Variants in KIRREL3 observed in about 807,000 individuals in gnomAD.
KIRREL3 encodes the protein kin of IRRE-like protein 3.
Under a neutral mutation model 89.7 loss-of-function variants are expected in KIRREL3, and 36 were observed. The observed-to-expected ratio is 0.40, with a 90% CI of 0.31 to 0.53. KIRREL3 has a LOEUF of 0.53. Among genes scored for constraint, KIRREL3 ranks in the 20% least tolerant of loss-of-function variants. KIRREL3 has a pLI of 0.49. For missense variants in KIRREL3, 864 were observed against 1,056.6 expected, an observed-to-expected ratio of 0.82 and a Z score of 2.53; for synonymous variants, 445 against 441.4, an observed-to-expected ratio of 1.01 and a Z score of -0.10.
intron 1 of KIRREL3, among the ~76,000 whole-genome samples, chr11:126,809,189 C>T (rs1951302133): frequency 6.6e-6 from 1 of 152,146 alleles, no homozygotes; most frequent in African/African-American, 2.4e-5. Context: ...AGAGGAGGGT[C>T]ACCCAGTCAT....
chr11:126,825,886 T>G (rs10750346), intron 1 of KIRREL3, among the ~76,000 whole-genome samples: 1 of 151,912 alleles, frequency 6.6e-6, no homozygotes, highest in Non-Finnish European at 1.5e-5. Flanking sequence ...TTAATCAGGT[T>G]GTCCTTTTCT....
At chr11:126,599,006 G>C (rs753776924) in intron 1 of KIRREL3, among the ~76,000 whole-genome samples, 1 of 152,170 alleles carries the variant, frequency 6.6e-6, no homozygotes, top group Admixed American at 6.5e-5. Context: ...CCTGCCTTCC[G>C]ACTTCAATGG....
At position 126,454,997 on chromosome 11, in the gene KIRREL3, C is replaced by T. The variant is rs1206027283; in HGVS notation, c.848+1352G>A. Among the ~76,000 whole-genome samples the T allele has an allele frequency of 6.6e-6, 1 of 152,244 alleles. No individual in the cohort carries two copies. The highest frequency in any genetic ancestry group is 1.5e-5 in the Non-Finnish European group (1 of 68,042). On this transcript the variant is annotated intron_variant, in intron 7 of 16. Transcript: ENST00000525144. This position sits in a 1 kb window ranked among gnomAD's most constrained non-coding sequence, Gnocchi z 5.8. ...CCTCATGTCCAACCTGAATCCCTGG[C>T]TGTCCCTGTGGCCCATTTCCTTCCA...
intron 1 of KIRREL3, among the ~76,000 whole-genome samples, chr11:126,626,653 G>A (rs901080814): frequency 3.3e-5 from 5 of 152,200 alleles, no homozygotes; most frequent in African/African-American, 1.2e-4. Context: ...CCCTGGTACT[G>A]CTCCACCGGT....
At chr11:126,852,049 C>CTTT (rs10579989) in intron 1 of KIRREL3, among the ~76,000 whole-genome samples, 51 of 103,590 alleles carry the variant, frequency 4.9e-4, no homozygotes, top group Non-Finnish European at 8.1e-4. Flanking sequence ...GGGCTATAAC[C>CTTT]TTTTTTTTTT....
chr11:126,629,559 G>A (rs549404676), intron 1 of KIRREL3, among the ~76,000 whole-genome samples: 2 of 152,290 alleles, frequency 1.3e-5, no homozygotes, highest in Admixed American at 1.3e-4. Flanking sequence ...TGCCTTCCAC[G>A]TGCTCCTCCA....
In KIRREL3 at chr11:126,918,133, T is replaced by C. The variant is rs982072470; in HGVS notation, c.55+82322A>G. ...AGACAGAGACTCACGGTATGGCAGT[T>C]GAAGGACACACGACTTGAGGGAGAT... is the stretch of plus-strand genomic sequence containing the variant. On this transcript the variant is annotated intron_variant, in intron 1 of 16. Transcript: ENST00000525144. The surrounding 1 kb of genome is among the most constrained non-coding windows in gnomAD (Gnocchi z 6.5). Among the ~76,000 whole-genome samples the C allele has an allele frequency of 2.0e-5, 3 of 152,128 alleles. No homozygotes were observed. Among genetic ancestry groups the C allele is most frequent in the African/African-American group, 7.2e-5 (3 of 41,410 alleles).
rs573564016 is a variant in KIRREL3 at position 126,710,920 on chromosome 11, G to A, written c.56-148008C>T. The stretch of plus-strand genomic sequence containing the variant: ...CTTGACAGTAGTCTCAACCTGATAG[G>A]CCTCTTCACAATGTGCAGGCTGTGA... On this transcript the variant is annotated intron_variant, in intron 1 of 16. Transcript: ENST00000525144. The surrounding 1 kb of genome is among the most constrained non-coding windows in gnomAD (Gnocchi z 4.2). Among the ~76,000 whole-genome samples the A allele has an allele frequency of 6.6e-6, 1 of 152,110 alleles. No homozygotes were observed. Among genetic ancestry groups the A allele is most frequent in the Non-Finnish European group, 1.5e-5 (1 of 68,022 alleles).
At position 126,490,682 on chromosome 11, in the gene KIRREL3, G is replaced by A. The variant is rs1157051011; in HGVS notation, c.434-17216C>T. 6.6e-6 allele frequency among the ~76,000 whole-genome samples: 1 copy of A among 152,174 alleles called. No individual in the cohort carries two copies. Among genetic ancestry groups the A allele is most frequent in the Non-Finnish European group, 1.5e-5 (1 of 68,040 alleles). ...TGTGAAGGTTAGGAGAAGTTCCATG[G>A]GATGGCATTTGTGACGTCCCCAGAA... On this transcript the variant is annotated intron_variant, in intron 4 of 16. Coordinates refer to ENST00000525144, the MANE Select transcript of KIRREL3 (RefSeq NM_032531.4). This position sits in a 1 kb window ranked among gnomAD's most constrained non-coding sequence, Gnocchi z 4.2.
In KIRREL3 at chr11:126,694,349, G is replaced by A. The variant is rs914508688; in HGVS notation, c.56-131437C>T. On this transcript the variant is annotated intron_variant, in intron 1 of 16. Coordinates refer to ENST00000525144, the MANE Select transcript of KIRREL3 (RefSeq NM_032531.4). The surrounding 1 kb of genome is among the most constrained non-coding windows in gnomAD (Gnocchi z 4.4). ...TTGCACTTTTCCATTGTATCCTAGT[G>A]AGCGTGCACCGGAGTTGTGTCTCCC... 6.6e-6 allele frequency among the ~76,000 whole-genome samples: 1 copy of A among 152,188 alleles called. No individual in the cohort carries two copies. Among genetic ancestry groups the A allele is most frequent in the African/African-American group, 2.4e-5 (1 of 41,450 alleles).
At chr11:126,548,484 C>T (rs893328023) in intron 2 of KIRREL3, among the ~76,000 whole-genome samples, 1 of 152,232 alleles carries the variant, frequency 6.6e-6, no homozygotes, top group African/African-American at 2.4e-5. Flanking sequence ...CTTGGGTGCC[C>T]TAGCTGTGAG....
chr11:126,745,463 C>G (rs1019656985), intron 1 of KIRREL3, among the ~76,000 whole-genome samples: 1 of 137,376 alleles, frequency 7.3e-6, no homozygotes, highest in Admixed American at 7.5e-5. Flanking sequence ...AGATGGAAAA[C>G]AAACAAACAA....
rs1000874498 is a variant in KIRREL3 at position 126,754,929 on chromosome 11, T to A, written c.56-192017A>T. ...GGAATAATTTATTTCTTCTTCCTGG[T>A]GAGCAAATACACAGCAAGAGAGGCG... On this transcript the variant is annotated intron_variant, in intron 1 of 16. Transcript: ENST00000525144. The surrounding 1 kb of genome is among the most constrained non-coding windows in gnomAD (Gnocchi z 5.1). 1.2e-4 allele frequency among the ~76,000 whole-genome samples: 19 copies of A among 152,346 alleles called. No individual in the cohort carries two copies. Among genetic ancestry groups the A allele is most frequent in the African/African-American group, 4.3e-4 (18 of 41,584 alleles).
chr11:126,922,977 C>G (rs537138519), intron 1 of KIRREL3, among the ~76,000 whole-genome samples: 2 of 152,208 alleles, frequency 1.3e-5, no homozygotes, highest in Admixed American at 6.5e-5. Context: ...TTGCATCCCT[C>G]GAGTCGGTGC....
At position 126,445,871 on chromosome 11, in the gene KIRREL3, G is replaced by A. The variant is rs113316860; in HGVS notation, c.1126-766C>T. On this transcript the variant is annotated intron_variant, in intron 9 of 16. Transcript: ENST00000525144. ...GTCTTAAAAGAGGAACACAAGGGCTGGACACGGTGGCTCACGCCTGTAATC... is the reference window on the plus strand; with the variant it reads ...GTCTTAAAAGAGGAACACAAGGGCTAGACACGGTGGCTCACGCCTGTAATC... Among the ~76,000 whole-genome samples the A allele has an allele frequency of 6.4e-3, 979 of 152,292 alleles. 3 individuals are homozygous for A. The highest frequency in any genetic ancestry group is 0.01 in the Non-Finnish European group (695 of 68,030).
At chr11:126,581,394 G>A (rs190189074) in intron 1 of KIRREL3, among the ~76,000 whole-genome samples, 1 of 152,110 alleles carries the variant, frequency 6.6e-6, no homozygotes, top group African/African-American at 2.4e-5. Context: ...TAGAGACAGG[G>A]TTTCACCTTG....
rs1269017260 is a variant in KIRREL3 at position 126,981,707 on chromosome 11, G to A, written c.55+18748C>T. ...TTATCAATGCACCCCCATCCTTGGA[G>A]TAGGTTCCTGAGCTTGGTGCCTGGG... On this transcript the variant is annotated intron_variant, in intron 1 of 16. Transcript: ENST00000525144. This position sits in a 1 kb window ranked among gnomAD's most constrained non-coding sequence, Gnocchi z 4.2. 6.6e-6 allele frequency among the ~76,000 whole-genome samples: 1 copy of A among 152,172 alleles called. No individual in the cohort carries two copies. The highest frequency in any genetic ancestry group is 6.5e-5 in the Admixed American group (1 of 15,278).
intron 1 of KIRREL3, among the ~76,000 whole-genome samples, chr11:126,619,723 C>T (rs1295522694): frequency 2.0e-5 from 3 of 152,238 alleles, no homozygotes; most frequent in East Asian, 1.9e-4. Flanking sequence ...AAGAGTCACA[C>T]AGCATGCTGA....
intron 1 of KIRREL3, among the ~76,000 whole-genome samples, chr11:126,693,023 G>A (rs1479580999): frequency 6.6e-6 from 1 of 152,202 alleles, no homozygotes; most frequent in East Asian, 1.9e-4. Flanking sequence ...GCATGCTCCT[G>A]CTCACGCCCT....
Sources: allele counts gnomAD v4.1 joint callset (sites outside exome capture counted in the v4.1 genomes callset), GRCh38; gene constraint gnomAD v4.1.1; non-coding constraint Gnocchi (gnomAD v3.1); transcripts MANE v1.5; gene names NCBI Gene and HGNC (gene_info 2026-07-23, HGNC 2026-07-21).